PEX1: variants seen among roughly 807,000 people sequenced by gnomAD.
PEX1 encodes peroxisomal biogenesis factor 1, also known as peroxisomal ATPase PEX1.
Under a neutral mutation model 152.5 loss-of-function variants are expected in PEX1, and 97 were observed. The ratio of observed to expected loss-of-function variants is 0.64; its 90% CI spans 0.54 to 0.75. PEX1 has a LOEUF of 0.75. Among genes scored for constraint, PEX1 ranks in the 30% least tolerant of loss-of-function variants. PEX1 has a pLI of 0.00. For synonymous variants in PEX1, 485 were observed against 531.6 expected, an observed-to-expected ratio of 0.91 and a Z score of 1.21; for missense variants, 1,357 against 1,516.3, an observed-to-expected ratio of 0.89 and a Z score of 1.74.
intron 6 of PEX1, 34 bp from the exon 7 acceptor site, chr7:92,511,737 C>A: frequency 1.3e-6 from 2 of 1,593,256 alleles, no homozygotes; most frequent in South Asian, 2.2e-5. Context: ...GAATTATCCT[C>A]ATATCTGAAC....
intron 1 of PEX1, among the ~76,000 whole-genome samples, chr7:92,525,800 T>G (rs1377423639): frequency 1.3e-5 from 2 of 152,146 alleles, no homozygotes; most frequent in Admixed American, 1.3e-4. Context: ...TGAAACACAG[T>G]ACAGAGTATA....
Position 92,501,553 on chromosome 7 carries a change from T to C in PEX1, c.2537A>G (p.His846Arg). ...DLGWDKIGGLHEVRQILMDTI... is the reference protein window; with the variant it reads ...DLGWDKIGGLREVRQILMDTI... ...ATCCATGAGTATCTGCCTAACTTCATGTAACCCACCAATCTTGTCCCAACC... is the reference window on the plus strand; with the variant it reads ...ATCCATGAGTATCTGCCTAACTTCACGTAACCCACCAATCTTGTCCCAACC... The change falls in exon 15 of 24, where the codon CAT becomes CGT. Residue 846 changes from histidine to arginine, a missense_variant. Transcript: ENST00000248633. The C allele has an allele frequency of 1.9e-6, 3 of 1,614,004 alleles. No individual in the cohort carries two copies. The highest frequency in any genetic ancestry group is 2.5e-6 in the Non-Finnish European group (3 of 1,179,894).
rs1401291643 is a variant in PEX1 at position 92,507,087 on chromosome 7, G to A, written c.1710C>T (p.Ile570=). 1 of 1,613,782 alleles carries A rather than the reference G, an allele frequency of 6.2e-7. No homozygotes were observed. The highest frequency in any genetic ancestry group is 1.7e-5 in the Admixed American group (1 of 60,010). The change falls in exon 10 of 24, where the codon ATC becomes ATT. Residue 570 remains isoleucine (I), a synonymous_variant. Coordinates refer to ENST00000248633, the MANE Select transcript of PEX1 (RefSeq NM_000466.3). ...AAGGGCGTCCCAGGAGGCTGTGAGT[G>A]ATGTGCTCCAAGGAGGATACGCCTA... ...NSLGVSSLEH[I]THSLLGRPLS...
chr7:92,487,542 C>A lies in PEX1; in HGVS notation c.3768-1G>T. ...CTTTGGATTTTGAAAGCTTTCATAT[C>A]TGAAAAAAGAAAGAGATAATTTAAT... On this transcript the variant is annotated splice_acceptor_variant, in intron 23 of 23. Transcript: ENST00000248633. LOFTEE classifies it high-confidence loss of function. The A allele has an allele frequency of 6.7e-7, 1 of 1,487,932 alleles. No homozygotes were observed. The highest frequency in any genetic ancestry group is 1.2e-5 in the South Asian group (1 of 86,000). The allele number at this position is 1,487,932 out of a possible 1,614,324, so 92.2% of individuals were successfully genotyped here.
chr7:92,518,076 C>T, intron 4 of PEX1, 34 bp from the exon 5 acceptor site: 1 of 1,612,666 alleles, frequency 6.2e-7, no homozygotes, highest in African/African-American at 1.3e-5. Flanking sequence ...AGTGCACATT[C>T]ATTTCTACTT....
At chr7:92,525,323 G>T (rs985930092) in intron 1 of PEX1, among the ~76,000 whole-genome samples, 2 of 152,186 alleles carry the variant, frequency 1.3e-5, no homozygotes, top group Non-Finnish European at 2.9e-5. Flanking sequence ...CCATACATCA[G>T]AATGCCTTAG....
intron 20 of PEX1, 46 bp from the exon 21 acceptor site, chr7:92,491,548 T>C (rs765280043): frequency 1.7e-6 from 2 of 1,145,446 alleles, no homozygotes; most frequent in Non-Finnish European, 2.6e-6. Context: ...TAAACAATTT[T>C]AGTCTCAGAA....
At chr7:92,513,573 T>G (rs1792581703) in intron 6 of PEX1, among the ~76,000 whole-genome samples, 1 of 152,162 alleles carries the variant, frequency 6.6e-6, no homozygotes, top group African/African-American at 2.4e-5. Flanking sequence ...GGAATTATTG[T>G]TTAATGGGTA....
intron 5 of PEX1, among the ~76,000 whole-genome samples, chr7:92,516,791 G>A (rs780759056): frequency 2.6e-5 from 4 of 152,204 alleles, no homozygotes; most frequent in Non-Finnish European, 5.9e-5. Context: ...GCTCCTGGAT[G>A]CATTCCAATC....
intron 5 of PEX1, among the ~76,000 whole-genome samples, chr7:92,515,930 G>T (rs907951366): frequency 5.3e-5 from 8 of 151,606 alleles, no homozygotes; most frequent in Non-Finnish European, 1.0e-4. Context: ...GGAGGTGGAG[G>T]TTGTAGTGAG....
rs1004289500 is a variant in PEX1, at chr7:92,487,223, A to G, written c.*234T>C. On this transcript the variant is annotated 3_prime_UTR_variant, in exon 24 of 24. Transcript: ENST00000248633. ...CTAATATTATTTCATTAAAGACTGA[A>G]TTTAGATTTTAGGAAATAAAATATG... 3.4e-5 allele frequency: 10 copies of G among 293,414 alleles called. No individual in the cohort carries two copies. The highest frequency in any genetic ancestry group is 2.0e-4 in the Admixed American group (4 of 20,434). The allele number at this position is 293,414 out of a possible 1,614,324, so 18.2% of individuals were successfully genotyped here. A position where few individuals can be genotyped will look rare whatever the true frequency, so the allele number is the denominator to read the frequency against.
intron 12 of PEX1, among the ~76,000 whole-genome samples, chr7:92,503,548 T>C (rs971883591): frequency 6.6e-6 from 1 of 152,244 alleles, no homozygotes; most frequent in Non-Finnish European, 1.5e-5. Flanking sequence ...CCATACTGTA[T>C]TGTTTGTTAA....
chr7:92,509,489 A>C lies in PEX1; in HGVS notation c.1588-78T>G, dbSNP rs1035536551. 11 of 946,684 alleles carry C rather than the reference A, an allele frequency of 1.2e-5. No homozygotes were observed. In the African/African-American group the frequency reaches 1.5e-4, roughly 12 times the overall value. 58.6% of individuals were successfully genotyped at this position (946,684 alleles called of 1,614,324 possible). ...GTTTTTCTCGGGTCCCAGAAAACTAAATTGCTGATTCTGTTATACCAGAGA... is the reference window on the plus strand; with the variant it reads ...GTTTTTCTCGGGTCCCAGAAAACTACATTGCTGATTCTGTTATACCAGAGA... On this transcript the variant is annotated intron_variant, in intron 8 of 23. Coordinates refer to ENST00000248633, the MANE Select transcript of PEX1 (RefSeq NM_000466.3).
At chr7:92,487,862 G>A (rs1791019016) in intron 23 of PEX1, among the ~76,000 whole-genome samples, 1 of 151,946 alleles carries the variant, frequency 6.6e-6, no homozygotes, top group African/African-American at 2.4e-5. Flanking sequence ...AATCAAAAGG[G>A]CCAAGTTTAG....
chr7:92,492,384 G>A (rs947645138), intron 20 of PEX1, among the ~76,000 whole-genome samples: 2 of 152,120 alleles, frequency 1.3e-5, no homozygotes, highest in Non-Finnish European at 2.9e-5. Context: ...ACCATGATTT[G>A]GTCTCAAACT....
At chr7:92,488,764 C>T (rs912379674) in intron 23 of PEX1, among the ~76,000 whole-genome samples, 6 of 146,406 alleles carry the variant, frequency 4.1e-5, no homozygotes, top group Non-Finnish European at 8.9e-5. Flanking sequence ...CAGTCTCGCT[C>T]TGTGGCCCAG....
In PEX1 at chr7:92,497,863, G is replaced by A. The variant is rs1274730888; in HGVS notation, c.2719-1086C>T. On this transcript the variant is annotated intron_variant, in intron 16 of 23. Coordinates refer to ENST00000248633, the MANE Select transcript of PEX1 (RefSeq NM_000466.3). ...AGCTGGTGGATCATGAGGTCAGGAG[G>A]TCGAGGCCAGCCTGGCCAACATGGT... Among the ~76,000 whole-genome samples the A allele has an allele frequency of 2.0e-5, 3 of 151,760 alleles. No individual in the cohort carries two copies. In the East Asian group the frequency reaches 5.8e-4, roughly 30 times the overall value.
chr7:92,498,609 AC>A (rs1285079704), intron 16 of PEX1, among the ~76,000 whole-genome samples: 2 of 152,364 alleles, frequency 1.3e-5, no homozygotes, highest in East Asian at 3.9e-4. Flanking sequence ...CCTTTGTTAA[AC>A]TAATATTGCT....
At chr7:92,501,867 C>A (rs1041708886) in intron 14 of PEX1, 23 bp downstream of exon 14, 3 of 1,589,492 alleles carry the variant, frequency 1.9e-6, no homozygotes, top group Admixed American at 3.3e-5. Context: ...ATTCCAAGTT[C>A]AGGTTTTAAT....
Sources: gnomAD v4.1 joint callset for allele counts (sites outside exome capture counted in the v4.1 genomes callset) on GRCh38, gnomAD v4.1.1 for gene constraint, MANE v1.5 for transcripts, NCBI Gene and HGNC (gene_info 2026-07-23, HGNC 2026-07-21) for gene names.